The following STRIP2 variants were observed in gnomAD, a reference collection of about 807,000 sequenced individuals.
STRIP2 encodes the protein striatin interacting protein 2.
Under a neutral mutation model 107.1 loss-of-function variants are expected in STRIP2, and 84 were observed. The observed-to-expected ratio is 0.78, with a 90% CI of 0.66 to 0.94. STRIP2 has a LOEUF of 0.94. Among genes scored for constraint, STRIP2 ranks in the 40% least tolerant of loss-of-function variants. The probability of loss-of-function intolerance (pLI) is 0.00; values close to 1 mark genes in which losing one functional copy is unlikely to be tolerated. For synonymous variants in STRIP2, 394 were observed against 400.4 expected (o/e 0.98, Z 0.19); for missense variants, 888 against 1,034.2 (o/e 0.86, Z 1.94).
Position 129,458,765 on chromosome 7 carries a change from T to A in STRIP2, c.1328T>A (p.Phe443Tyr). The change falls in exon 11 of 21, where the codon TTC becomes TAC. Residue 443 changes from phenylalanine to tyrosine, a missense_variant. Physicochemically the swap from Phe to Tyr is conservative, Grantham distance 22 (BLOSUM62 3). Transcript: ENST00000249344. This position sits in a 1 kb window ranked among gnomAD's most constrained non-coding sequence, Gnocchi z 4.6. Reference protein sequence around the residue: ...LEMSRNKFIGFTLGQDTDTLV... With the variant: ...LEMSRNKFIGYTLGQDTDTLV... The stretch of plus-strand genomic sequence containing the variant: ...ATGAGCAGGAACAAGTTCATCGGAT[T>A]CACCCTGGGGCAGTAAGTGACTGAA... 1 of 1,614,186 alleles carries A rather than the reference T, an allele frequency of 6.2e-7. No individual in the cohort carries two copies. The highest frequency in any genetic ancestry group is 8.5e-7 in the Non-Finnish European group (1 of 1,180,026).
At chr7:129,460,198 C>T (rs1798491834) in intron 12 of STRIP2, 103 bp from the exon 13 acceptor site, 1 of 1,021,898 alleles carries the variant, frequency 9.8e-7, no homozygotes, top group Non-Finnish European at 1.4e-6. Flanking sequence ...GTAACAAACC[C>T]ATAAGCAGAA....
Position 129,475,514 on chromosome 7 carries a change from G to A in STRIP2, c.1944+4799G>A, listed in dbSNP as rs555874326. 2.7e-3 allele frequency among the ~76,000 whole-genome samples: 386 copies of A among 140,588 alleles called. 1 individual carries two copies. Among genetic ancestry groups the A allele is most frequent in the African/African-American group, 0.01 (371 of 37,072 alleles). The allele number at this position is 140,588 out of a possible 152,430, so 92.2% of individuals were successfully genotyped here. The stretch of plus-strand genomic sequence containing the variant: ...CCTTCCGCAGTGTTTGTATCCCTGG[G>A]TACTTGAGATTAGGGAGTGGTGATG... On this transcript the variant is annotated intron_variant, in intron 18 of 20. Coordinates refer to ENST00000249344, the MANE Select transcript of STRIP2 (RefSeq NM_020704.3).
rs1459600446 is a variant in STRIP2, at chr7:129,460,365, T to C, written c.1469T>C (p.Met490Thr). Residue 490 changes from methionine to threonine, a missense_variant, in exon 13 of 21, where the codon ATG (methionine) becomes ACG (threonine). Met to Thr is a moderately conservative substitution (Grantham distance 81). Transcript: ENST00000249344. Reference protein sequence around the residue: ...KNEEELEKCPMSLGEEVVPET... With the variant: ...KNEEELEKCPTSLGEEVVPET... ...GAAGAGGAGCTGGAGAAGTGCCCTATGTCTTTGGTGAGCCAAGGAAGCCCT... is the reference window on the plus strand; with the variant it reads ...GAAGAGGAGCTGGAGAAGTGCCCTACGTCTTTGGTGAGCCAAGGAAGCCCT... 1 of 1,613,762 alleles carries C rather than the reference T, an allele frequency of 6.2e-7. No homozygotes were observed. Among genetic ancestry groups the C allele is most frequent in the East Asian group, 2.2e-5 (1 of 44,866 alleles).
chr7:129,462,233 C>G (rs1018208893), intron 13 of STRIP2, among the ~76,000 whole-genome samples: 2 of 152,200 alleles, frequency 1.3e-5, no homozygotes, highest in African/African-American at 4.8e-5. Context: ...TTAGGACTTA[C>G]GTCCATTTAA....
chr7:129,467,351 T>C lies in STRIP2; in HGVS notation c.1778T>C (p.Phe593Ser). The C allele has an allele frequency of 6.2e-7, 1 of 1,611,842 alleles. No individual in the cohort carries two copies. The highest frequency in any genetic ancestry group is 8.5e-7 in the Non-Finnish European group (1 of 1,178,180). The change falls in exon 17 of 21, where the codon TTT becomes TCT. Residue 593 changes from phenylalanine (F) to serine (S), a missense_variant and splice_region_variant. Physicochemically the swap from Phe to Ser is radical, Grantham distance 155 (BLOSUM62 -2). Coordinates refer to ENST00000249344, the MANE Select transcript of STRIP2 (RefSeq NM_020704.3). ...KHFKLNHIYQ[F>S]EYVSQHLVFA... ...TTTCTGCTTTGATTTTTAATTCAGT[T>C]TGAATATGTATCGCAACATTTGGTA...
chr7:129,477,420 T>G (rs576058368), intron 18 of STRIP2, among the ~76,000 whole-genome samples: 4 of 152,272 alleles, frequency 2.6e-5, no homozygotes, highest in African/African-American at 9.6e-5. Flanking sequence ...ATAAAATTTT[T>G]TTAGCATTAT....
chr7:129,475,419 A>C (rs1410512291), intron 18 of STRIP2, among the ~76,000 whole-genome samples: 2 of 151,730 alleles, frequency 1.3e-5, no homozygotes, highest in African/African-American at 2.4e-5. Context: ...ACAGGACAAC[A>C]GTGGAGGGAA....
chr7:129,485,823 T>A lies in STRIP2; in HGVS notation c.2499T>A (p.Asn833Lys). ...QPICWEELLQ[N>K]H ...TCTGTTGGGAGGAGCTGCTCCAGAA[T>A]CACTGACTAAGTTCTTGTCAACAAG... The change falls in exon 21 of 21, where the codon AAT becomes AAA. Residue 833 changes from asparagine to lysine, a missense_variant. Transcript: ENST00000249344. 1.2e-6 allele frequency: 2 copies of A among 1,613,844 alleles called. No homozygotes were observed. Among genetic ancestry groups the A allele is most frequent in the Non-Finnish European group, 1.7e-6 (2 of 1,180,014 alleles).
At chr7:129,436,377 G>A (rs1797738762) in intron 1 of STRIP2, among the ~76,000 whole-genome samples, 1 of 152,170 alleles carries the variant, frequency 6.6e-6, no homozygotes, top group South Asian at 2.1e-4. Flanking sequence ...GTCTTCTTCA[G>A]GCAAAGGCTC....
chr7:129,474,339 T>C (rs1798864253), intron 18 of STRIP2, among the ~76,000 whole-genome samples: 2 of 152,108 alleles, frequency 1.3e-5, no homozygotes, highest in Admixed American at 1.3e-4. Flanking sequence ...TTTTTAGAGA[T>C]AAAATCTCCC....
rs1354122421 is a variant in STRIP2 at position 129,460,708 on chromosome 7, A to T, written c.1476+336A>T. Reference sequence around the variant, plus strand: ...TTAAGCCAAGATCTGAGGGACAGGGATCCAGCCATAGGAGCATCAGAGGAA... The same window carrying T: ...TTAAGCCAAGATCTGAGGGACAGGGTTCCAGCCATAGGAGCATCAGAGGAA... On this transcript the variant is annotated intron_variant, in intron 13 of 20. Coordinates refer to ENST00000249344, the MANE Select transcript of STRIP2 (RefSeq NM_020704.3). Among the ~76,000 whole-genome samples the T allele has an allele frequency of 2.0e-5, 3 of 152,204 alleles. No homozygotes were observed. In the East Asian group the frequency reaches 5.8e-4, roughly 29 times the overall value.
At chr7:129,453,469 C>A in intron 5 of STRIP2, 122 bp downstream of exon 5, 1 of 1,212,394 alleles carries the variant, frequency 8.2e-7, no homozygotes, top group Non-Finnish European at 1.1e-6. Flanking sequence ...ACTCACACCT[C>A]AGCCCAAAGC....
chr7:129,475,553 C>CTTTTTTTTTTTTT (rs1292595061), intron 18 of STRIP2, among the ~76,000 whole-genome samples: 24 of 35,942 alleles, frequency 6.7e-4, no homozygotes, highest in East Asian at 2.4e-3. Flanking sequence ...CTTTTTTTTT[C>CTTTTTTTTTTTTT]TTTTTTTTTT....
At chr7:129,482,355 C>CTCTA (rs1491515962) in intron 19 of STRIP2, among the ~76,000 whole-genome samples, 16 of 109,230 alleles carry the variant, frequency 1.5e-4, no homozygotes, top group South Asian at 3.2e-4. Context: ...CTCTCTCTCT[C>CTCTA]TATATATATA....
intron 18 of STRIP2, among the ~76,000 whole-genome samples, chr7:129,473,593 C>G (rs1165900265): frequency 6.6e-6 from 1 of 152,220 alleles, no homozygotes; most frequent in Non-Finnish European, 1.5e-5. Flanking sequence ...TGATCTTGAA[C>G]TCCTGGGCTC....
In STRIP2 at chr7:129,476,173, C is replaced by T. The variant is rs556352977; in HGVS notation, c.1945-4612C>T. Among the ~76,000 whole-genome samples the T allele has an allele frequency of 1.3e-3, 183 of 145,726 alleles. 2 individuals carry two copies. The highest frequency in any genetic ancestry group is 4.4e-3 in the African/African-American group (174 of 39,588). On this transcript the variant is annotated intron_variant, in intron 18 of 20. Coordinates refer to ENST00000249344, the MANE Select transcript of STRIP2 (RefSeq NM_020704.3). ...GGTGCCCCCCTCCTCCCGGACGGGGCGGCTGGCCGGGCGGGGGCTGCCCCC... is the reference window on the plus strand; with the variant it reads ...GGTGCCCCCCTCCTCCCGGACGGGGTGGCTGGCCGGGCGGGGGCTGCCCCC...
rs6467246 is a variant in STRIP2 at position 129,464,882 on chromosome 7, T to C, written c.1776+144T>C. ...CTCTCTCAGGGAATCCAGCCACCCA[T>C]TGCATGAGCTTGAGGTAGGGTTATG... On this transcript the variant is annotated intron_variant, in intron 16 of 20. Coordinates refer to ENST00000249344, the MANE Select transcript of STRIP2 (RefSeq NM_020704.3). 1.6e-3 allele frequency: 1,704 copies of C among 1,052,578 alleles called. 19 individuals are homozygous for C. The African/African-American group carries it at 0.024, about 15-fold the overall frequency. The allele number at this position is 1,052,578 out of a possible 1,614,324, so 65.2% of individuals were successfully genotyped here. A position where few individuals can be genotyped will look rare whatever the true frequency, so the allele number is the denominator to read the frequency against.
At chr7:129,446,791 C>T (rs943019195) in intron 3 of STRIP2, among the ~76,000 whole-genome samples, 2 of 152,084 alleles carry the variant, frequency 1.3e-5, no homozygotes, top group East Asian at 1.9e-4. Flanking sequence ...TGCTTGAGCC[C>T]GATCACGTAT....
At position 129,482,910 on chromosome 7, in the gene STRIP2, A is replaced by T. The variant is rs1365097768; in HGVS notation, c.2118A>T (p.Gln706His). The T allele has an allele frequency of 1.9e-6, 3 of 1,614,066 alleles. No homozygotes were observed. The Admixed American group carries it at 5.0e-5, about 27-fold the overall frequency. ...TCAAGGTCAAACAGGCCATGCTGCAACTTTATGTCCTAAAGCTACTAAAGT... is the reference window on the plus strand; with the variant it reads ...TCAAGGTCAAACAGGCCATGCTGCATCTTTATGTCCTAAAGCTACTAAAGT... ...RALKVKQAML[Q>H]LYVLKLLKLQ... Residue 706 changes from glutamine (Q) to histidine (H), a missense_variant, in exon 20 of 21, where the codon CAA becomes CAT. Physicochemically the swap from Gln to His is conservative, Grantham distance 24 (BLOSUM62 0). Coordinates refer to ENST00000249344, the MANE Select transcript of STRIP2 (RefSeq NM_020704.3).
Sources: gnomAD v4.1 joint callset for allele counts (sites outside exome capture counted in the v4.1 genomes callset) on GRCh38, gnomAD v4.1.1 for gene constraint, Gnocchi (gnomAD v3.1) non-coding constraint, MANE v1.5 for transcripts, NCBI Gene and HGNC (gene_info 2026-07-23, HGNC 2026-07-21) for gene names.